RNF213: variants seen among roughly 807,000 people sequenced by gnomAD.
The protein encoded by RNF213 is ring finger protein 213.
In RNF213, 341 loss-of-function variants were observed where a neutral mutation model predicts 514.4. That is an observed-to-expected ratio of 0.66 (90% confidence interval 0.61 to 0.73). RNF213 has a LOEUF of 0.73. RNF213 is among the 30% of genes least tolerant of loss of function. The pLI is 0.00. For missense variants in RNF213, 5,767 were observed against 6,615.6 expected, an observed-to-expected ratio of 0.87 and a Z score of 4.45; for synonymous variants, 2,655 against 2,658.2, an observed-to-expected ratio of 1.00 and a Z score of 0.04.
In RNF213 at chr17:80,385,555, CT is replaced by C; in HGVS notation, c.14475del (p.His4826ThrfsTer14). 1.2e-6 allele frequency: 2 copies of C among 1,614,184 alleles called. No homozygotes were observed. Among genetic ancestry groups the C allele is most frequent in the Non-Finnish European group, 1.7e-6 (2 of 1,180,020 alleles). ...KHSSDGLRQL[L>X]HNRITVFLST... is the part of the protein sequence containing the mutation. Reference sequence around the variant, plus strand: ...TTCAACAGATGGGTTGAGGCAGCTGCTTCACAACAGGATCACAGTCTTTCTG... The same window carrying C: ...TTCAACAGATGGGTTGAGGCAGCTGCTCACAACAGGATCACAGTCTTTCTG... On this transcript the variant is annotated frameshift_variant, in exon 61 of 68. Coordinates refer to ENST00000582970, the MANE Select transcript of RNF213 (RefSeq NM_001256071.3). LOFTEE classifies it high-confidence loss of function.
chr17:80,384,300 T>A (rs1266929761), intron 59 of RNF213, among the ~76,000 whole-genome samples: 8 of 151,838 alleles, frequency 5.3e-5, no homozygotes, highest in Admixed American at 2.6e-4. Flanking sequence ...CAAACAAAAC[T>A]CCTCCCTGTG....
rs1344814246 is a variant in RNF213, at chr17:80,368,012, C to A, written c.12024C>A (p.Val4008=). The change falls in exon 44 of 68, where the codon GTC becomes GTA. Residue 4008 remains valine (V), a synonymous_variant. Transcript: ENST00000582970. The part of the protein sequence containing the change: ...SICLGDAKDP[V]CLPCDHVHCL... Reference sequence around the variant, plus strand: ...GCCTGGGAGATGCAAAGGACCCCGTCTGTCTGCCCTGCGACCACGTGCACT... The same window carrying A: ...GCCTGGGAGATGCAAAGGACCCCGTATGTCTGCCCTGCGACCACGTGCACT... The A allele has an allele frequency of 1.9e-6, 3 of 1,614,282 alleles. No individual in the cohort carries two copies. The highest frequency in any genetic ancestry group is 8.5e-7 in the Non-Finnish European group (1 of 1,180,054).
chr17:80,372,941 C>A, intron 48 of RNF213, 34 bp from the exon 49 acceptor site: 1 of 1,601,506 alleles, frequency 6.2e-7, no homozygotes, highest in Non-Finnish European at 8.5e-7. Flanking sequence ...CCTAAGTCAC[C>A]AGCCACTCAC....
At chr17:80,364,048 T>G (rs951581141) in intron 41 of RNF213, among the ~76,000 whole-genome samples, 1 of 152,172 alleles carries the variant, frequency 6.6e-6, no homozygotes. Context: ...GACGGGCTAT[T>G]GTGATGCCGT....
intron 3 of RNF213, among the ~76,000 whole-genome samples, chr17:80,283,989 C>T (rs1043418180): frequency 3.3e-5 from 5 of 152,086 alleles, no homozygotes; most frequent in Admixed American, 1.3e-4. Flanking sequence ...TTTGGGAGGC[C>T]GAGGTGGGTG....
chr17:80,377,898 G>A lies in RNF213; in HGVS notation c.13545+102G>A. The A allele has an allele frequency of 7.5e-7, 1 of 1,341,154 alleles. No individual in the cohort carries two copies. Among genetic ancestry groups the A allele is most frequent in the Non-Finnish European group, 1.1e-6 (1 of 932,786 alleles). The allele number at this position is 1,341,154 out of a possible 1,614,324, so 83.1% of individuals were successfully genotyped here. On this transcript the variant is annotated intron_variant, in intron 54 of 67. Transcript: ENST00000582970. This position sits in a 1 kb window ranked among gnomAD's most constrained non-coding sequence, Gnocchi z 4.1. ...GAGAGTGAGGCTCTCGGCCTTCCAG[G>A]AGAGCACAGGCTCACCGAGGACTGC... is the stretch of plus-strand genomic sequence containing the variant.
In RNF213 at chr17:80,287,978, G is replaced by T; in HGVS notation, c.425G>T (p.Gly142Val). 1.3e-6 allele frequency: 2 copies of T among 1,575,544 alleles called. No homozygotes were observed. Among genetic ancestry groups the T allele is most frequent in the Non-Finnish European group, 8.6e-7 (1 of 1,161,154 alleles). The change falls in exon 4 of 68, where the codon GGC (glycine) becomes GTC (valine). Residue 142 changes from glycine (G) to valine (V), a missense_variant. By Grantham distance (109) the Gly-to-Val change is moderately radical. Coordinates refer to ENST00000582970, the MANE Select transcript of RNF213 (RefSeq NM_001256071.3). ...CCCCACAGCCAAGCCCAGCAGAGTG[G>T]CCCCACTGGCCAGCCGAGCCAGCCC... ...ALPHSQAQQS[G>V]PTGQPSQPPG... is the part of the protein sequence containing the mutation.
chr17:80,325,989 C>T (rs111558064), intron 18 of RNF213, among the ~76,000 whole-genome samples: 3,454 of 150,898 alleles, frequency 0.023, 88 homozygotes, highest in Admixed American at 0.081. Context: ...GATGGAGTCT[C>T]GCTCTCTCAC....
At position 80,393,946 on chromosome 17, in the gene RNF213, A is replaced by C. The variant is rs1314553941; in HGVS notation, c.*448A>C. 1.1e-5 allele frequency: 2 copies of C among 189,364 alleles called. No homozygotes were observed. Among genetic ancestry groups the C allele is most frequent in the Middle Eastern group, 2.4e-3 (1 of 424 alleles). The allele number at this position is 189,364 out of a possible 1,614,324, so 11.7% of individuals were successfully genotyped here. On this transcript the variant is annotated 3_prime_UTR_variant, in exon 68 of 68. Transcript: ENST00000582970. ...CTTTCTTCCATTCCCTTAAATTCTG[A>C]GTACTGTACATATATTTCTGGGTTC... is the stretch of plus-strand genomic sequence containing the variant.
intron 3 of RNF213, among the ~76,000 whole-genome samples, chr17:80,281,366 T>C (rs111174327): frequency 0.023 from 221 of 9,510 alleles, no homozygotes; most frequent in African/African-American, 0.044. Flanking sequence ...CACACACACC[T>C]CAACACACAC....
intron 23 of RNF213, among the ~76,000 whole-genome samples, chr17:80,337,234 T>G (rs556147821): frequency 6.6e-6 from 1 of 152,216 alleles, no homozygotes; most frequent in Non-Finnish European, 1.5e-5. Flanking sequence ...GTTCTCTGCA[T>G]TGGGGACCTG....
At chr17:80,359,140 G>T (rs938336275) in intron 37 of RNF213, among the ~76,000 whole-genome samples, 2 of 152,070 alleles carry the variant, frequency 1.3e-5, no homozygotes, top group Admixed American at 1.3e-4. Flanking sequence ...CCTTCCGCAG[G>T]CCTGATGATG....
intron 37 of RNF213, 152 bp from the exon 38 acceptor site, chr17:80,359,909 T>C (rs2078991842): frequency 2.7e-6 from 2 of 739,032 alleles, no homozygotes; most frequent in South Asian, 1.5e-5. Flanking sequence ...ACAGAAACCC[T>C]GTACTGTGAA....
rs1223243721 is a variant in RNF213, at chr17:80,396,725, TTCCCCCCCA to T, written c.*3228_*3236del. ...AAAAACAAGCGCCAGGAAAGTGCATTTCCCCCCCACCCCCCCCCCCCAACCAGAGCAACT... is the reference window on the plus strand; with the variant it reads ...AAAAACAAGCGCCAGGAAAGTGCATTCCCCCCCCCCCCAACCAGAGCAACT... On this transcript the variant is annotated 3_prime_UTR_variant, in exon 68 of 68. Coordinates refer to ENST00000582970, the MANE Select transcript of RNF213 (RefSeq NM_001256071.3). 1.2e-4 allele frequency: 8 copies of T among 67,708 alleles called. No homozygotes were observed. The highest frequency in any genetic ancestry group is 0.011 in the Middle Eastern group (1 of 94). The allele number at this position is 67,708 out of a possible 1,614,324, so 4.2% of individuals were successfully genotyped here. A position where few individuals can be genotyped will look rare whatever the true frequency, so the allele number is the denominator to read the frequency against.
chr17:80,283,271 G>A (rs2044360280), intron 3 of RNF213, among the ~76,000 whole-genome samples: 1 of 152,118 alleles, frequency 6.6e-6, no homozygotes. Context: ...GGGCCAGGTG[G>A]CAGTTCACAC....
rs540021736 is a variant in RNF213 at position 80,372,750 on chromosome 17, C to G, written c.12751+16C>G. 55 of 1,611,072 alleles carry G rather than the reference C, an allele frequency of 3.4e-5. No homozygotes were observed. The South Asian group carries it at 5.6e-4, about 16-fold the overall frequency. On this transcript the variant is annotated intron_variant, in intron 48 of 67. Transcript: ENST00000582970. ...GGAGGCCCAGGCAAGTCTTCTCTGC[C>G]TTGCTTTCCTTTGGGTTTAAAGACT...
At chr17:80,266,603 G>T (rs971854433) in intron 2 of RNF213, among the ~76,000 whole-genome samples, 1 of 152,048 alleles carries the variant, frequency 6.6e-6, no homozygotes, top group Non-Finnish European at 1.5e-5. Flanking sequence ...CCAGGTTCAA[G>T]TGATGTTCCT....
chr17:80,287,453 G>A (rs1294601774), intron 3 of RNF213, among the ~76,000 whole-genome samples: 2 of 152,182 alleles, frequency 1.3e-5, no homozygotes, highest in African/African-American at 4.8e-5. Flanking sequence ...CAGTGAGCTG[G>A]GTTTGCACCC....
At position 80,291,719 on chromosome 17, in the gene RNF213, T is replaced by C. The variant is rs765061480; in HGVS notation, c.1363T>C (p.Tyr455His). 6.2e-7 allele frequency: 1 copy of C among 1,614,064 alleles called. No homozygotes were observed. Among genetic ancestry groups the C allele is most frequent in the Non-Finnish European group, 8.5e-7 (1 of 1,180,054 alleles). Residue 455 changes from tyrosine (Y) to histidine (H), a missense_variant, in exon 8 of 68, where the codon TAT becomes CAT. Coordinates refer to ENST00000582970, the MANE Select transcript of RNF213 (RefSeq NM_001256071.3). ...DKYIPYKYVIYNGESFEYEFI... is the reference protein window; with the variant it reads ...DKYIPYKYVIHNGESFEYEFI... Reference sequence around the variant, plus strand: ...ATACATTCCTTACAAGTACGTCATTTATAATGGGGAATCTTTTGAGTATGA... The same window carrying C: ...ATACATTCCTTACAAGTACGTCATTCATAATGGGGAATCTTTTGAGTATGA...
Sources: allele counts gnomAD v4.1 joint callset (sites outside exome capture counted in the v4.1 genomes callset), GRCh38; gene constraint gnomAD v4.1.1; non-coding constraint Gnocchi (gnomAD v3.1); transcripts MANE v1.5; gene names NCBI Gene and HGNC (gene_info 2026-07-23, HGNC 2026-07-21).